The following RBFOX2 variants were observed in gnomAD, a reference collection of about 807,000 sequenced individuals.
The protein encoded by RBFOX2 is RNA binding fox-1 homolog 2, also known as RNA binding protein fox-1 homolog 2.
In RBFOX2, 10 loss-of-function variants were observed where a neutral mutation model predicts 49.1. That is an observed-to-expected ratio of 0.20 (90% CI 0.13 to 0.35). RBFOX2 has a LOEUF of 0.35. RBFOX2 is among the 10% of genes least tolerant of loss of function. The pLI, the probability that RBFOX2 is intolerant of heterozygous loss-of-function variation, is 1.00. For missense variants in RBFOX2, 323 were observed against 486.9 expected (o/e 0.66, Z 3.17); for synonymous variants, 183 against 187.4 (o/e 0.98, Z 0.19).
At chr22:35,926,648 T>C (rs1381453641) in intron 1 of RBFOX2, among the ~76,000 whole-genome samples, 1 of 152,092 alleles carries the variant, frequency 6.6e-6, no homozygotes, top group Non-Finnish European at 1.5e-5. Context: ...AAAGGCAAGA[T>C]GTGACAAACC....
chr22:35,752,290 A>G (rs1935241654), intron 9 of RBFOX2, among the ~76,000 whole-genome samples: 1 of 152,244 alleles, frequency 6.6e-6, no homozygotes, highest in Non-Finnish European at 1.5e-5. Flanking sequence ...TAAATATAAA[A>G]AAACAGTTTA....
intron 1 of RBFOX2, among the ~76,000 whole-genome samples, chr22:35,830,405 T>C (rs79637904): frequency 0.048 from 7,283 of 152,278 alleles, 591 homozygotes; most frequent in African/African-American, 0.16. Context: ...AAATTAATCA[T>C]GTGGGAGAAA....
At chr22:35,779,276 T>A (rs892760020) in intron 3 of RBFOX2, among the ~76,000 whole-genome samples, 1 of 152,218 alleles carries the variant, frequency 6.6e-6, no homozygotes, top group African/African-American at 2.4e-5. Flanking sequence ...AGATATCTTT[T>A]TGGCTTATAT....
intron 1 of RBFOX2, among the ~76,000 whole-genome samples, chr22:35,872,734 T>C (rs931436475): frequency 6.6e-6 from 1 of 152,216 alleles, no homozygotes; most frequent in African/African-American, 2.4e-5. Context: ...GCTGCTTGTA[T>C]CTTCTTCAGC....
intron 1 of RBFOX2, chr22:35,898,295 T>G (rs1394796754): frequency 1.7e-5 from 13 of 746,746 alleles, no homozygotes; most frequent in Non-Finnish European, 3.3e-5. Context: ...GAGGGCATGA[T>G]GAAGCTGGCA....
chr22:35,765,455 G>A (rs1259391907), exon 6 of RBFOX2: 1 of 1,521,396 alleles, frequency 6.6e-7, no homozygotes. Context: ...CTTCTTATTG[G>A]TCATTACACG....
intron 6 of RBFOX2, 119 bp downstream of exon 7, chr22:35,765,304 A>T (rs919119672): frequency 2.9e-6 from 2 of 695,112 alleles, no homozygotes; most frequent in Non-Finnish European, 4.8e-6. Flanking sequence ...AGGTAAAGAG[A>T]CTACTTCAAC....
intron 1 of RBFOX2, among the ~76,000 whole-genome samples, chr22:36,010,776 CACGT>C (rs1322881312): frequency 1.5e-3 from 207 of 141,326 alleles, no homozygotes; most frequent in Admixed American, 3.0e-3. Flanking sequence ...CACACACACA[CACGT>C]GTGTTTATAT....
At chr22:35,840,623 C>CGTGTGTGTGTGTGT (rs1157342118), upstream of RBFOX2, 12 of 1,067,564 alleles carry the variant, frequency 1.1e-5, no homozygotes, top group African/African-American at 2.3e-4. Flanking sequence ...CGCGTGTGTG[C>CGTGTGTGTGTGTGT]GTGTGTGCGT....
chr22:35,781,721 T>C (rs1945184895), exon 3 of RBFOX2: 2 of 1,614,184 alleles, frequency 1.2e-6, no homozygotes, highest in African/African-American at 2.7e-5. Context: ...CTGCTGGCCG[T>C]CTGTCTGTGC....
intron 1 of RBFOX2, among the ~76,000 whole-genome samples, chr22:36,017,515 C>T (rs1321723739): frequency 6.6e-6 from 1 of 151,714 alleles, no homozygotes; most frequent in Non-Finnish European, 1.5e-5. Flanking sequence ...GCAAGAAGAG[C>T]AAAAACTCGG....
chr22:35,742,606 A>G (rs569452170), exon 12 of RBFOX2: 1 of 152,768 alleles, frequency 6.5e-6, no homozygotes, highest in African/African-American at 2.4e-5. Flanking sequence ...AGGGAGCCAA[A>G]AAGACCGTGC....
chr22:35,744,359 A>G, intron 11 of RBFOX2, 110 bp from the exon 14 acceptor site: 3 of 1,007,472 alleles, frequency 3.0e-6, no homozygotes, highest in Non-Finnish European at 4.3e-6. Flanking sequence ...CGAAGCCTCA[A>G]AGCAACTGAT....
chr22:35,879,646 T>C (rs1323796178), intron 1 of RBFOX2, among the ~76,000 whole-genome samples: 4 of 152,206 alleles, frequency 2.6e-5, no homozygotes, highest in Non-Finnish European at 4.4e-5. Context: ...AGGAGCAGGC[T>C]TGACTGGAGC....
intron 2 of RBFOX2, among the ~76,000 whole-genome samples, chr22:35,794,330 C>T (rs1948351877): frequency 6.6e-6 from 1 of 152,108 alleles, no homozygotes; most frequent in African/African-American, 2.4e-5. Flanking sequence ...TCACTTAACA[C>T]CACTGACCTC....
intron 5 of RBFOX2, among the ~76,000 whole-genome samples, chr22:35,767,946 GA>G (rs1419793538): frequency 6.6e-6 from 1 of 151,910 alleles, no homozygotes; most frequent in Non-Finnish European, 1.5e-5. Context: ...TGAAGCAAAG[GA>G]AAAAAATCAA....
intron 1 of RBFOX2, among the ~76,000 whole-genome samples, chr22:35,872,715 C>T (rs1318526583): frequency 2.6e-5 from 4 of 152,200 alleles, no homozygotes; most frequent in Non-Finnish European, 5.9e-5. Context: ...GACGTCCTCC[C>T]ACCATCCAGC....
intron 1 of RBFOX2, among the ~76,000 whole-genome samples, chr22:35,828,818 G>A (rs887184770): frequency 3.3e-5 from 5 of 152,188 alleles, no homozygotes; most frequent in East Asian, 3.9e-4. Flanking sequence ...TTGGGAGGCC[G>A]AGGCGGGCGG....
intron 1 of RBFOX2, chr22:35,897,215 C>T (rs1288430455): frequency 1.9e-6 from 2 of 1,064,482 alleles, no homozygotes; most frequent in Admixed American, 3.9e-5. Flanking sequence ...GCTCAAACCA[C>T]ACGGGCTGAC....
Sources: gnomAD v4.1 joint callset for allele counts (sites outside exome capture counted in the v4.1 genomes callset) on GRCh38, gnomAD v4.1.1 for gene constraint, MANE v1.5 for transcripts, NCBI Gene and HGNC (gene_info 2026-07-23, HGNC 2026-07-21) for gene names.